Variants in ZNF680 observed in about 807,000 individuals in gnomAD.
ZNF680 encodes the protein zinc finger protein 680.
In ZNF680, 6 loss-of-function variants were observed where a neutral mutation model predicts 12.1. The ratio of observed to expected loss-of-function variants is 0.49; its 90% CI spans 0.27 to 0.98. The LOEUF is 0.98. ZNF680 is among the 50% of genes least tolerant of loss of function. ZNF680 has a pLI of 0.12. For synonymous variants in ZNF680, 170 were observed against 199.3 expected (o/e 0.85, Z 1.24); for missense variants, 561 against 616.3 (o/e 0.91, Z 0.95).
chr7:64,520,130 T>C lies in ZNF680; in HGVS notation c.*1031A>G, dbSNP rs1022424916. On this transcript the variant is annotated 3_prime_UTR_variant, in exon 4 of 4. Transcript: ENST00000309683. Reference sequence around the variant, plus strand: ...GGCCTCTCCACTTAGATTTTCATCATAAACCTTACATTTTAATGCCCATAC... The same window carrying C: ...GGCCTCTCCACTTAGATTTTCATCACAAACCTTACATTTTAATGCCCATAC... 2.6e-4 allele frequency: 40 copies of C among 151,702 alleles called. No individual in the cohort carries two copies. Among genetic ancestry groups the C allele is most frequent in the Admixed American group, 1.2e-3 (19 of 15,240 alleles). 9.4% of individuals were successfully genotyped at this position (151,702 alleles called of 1,614,324 possible). A position where few individuals can be genotyped will look rare whatever the true frequency, so the allele number is the denominator to read the frequency against.
At chr7:64,548,853 T>C (rs1786918357) in intron 1 of ZNF680, among the ~76,000 whole-genome samples, 1 of 152,064 alleles carries the variant, frequency 6.6e-6, no homozygotes, top group Non-Finnish European at 1.5e-5. Flanking sequence ...CCGGGCGCGG[T>C]GGCTCATGCT....
chr7:64,516,599 T>C (rs1219229320), downstream of ZNF680, among the ~76,000 whole-genome samples: 1 of 152,204 alleles, frequency 6.6e-6, no homozygotes, highest in African/African-American at 2.4e-5. Flanking sequence ...GGATTTAAAC[T>C]ACACCCTGGA....
chr7:64,537,948 C>A lies in ZNF680; in HGVS notation c.253+5759G>T, dbSNP rs1162995483. 2.6e-5 allele frequency among the ~76,000 whole-genome samples: 4 copies of A among 151,516 alleles called. No individual in the cohort carries two copies. In the East Asian group the frequency reaches 7.7e-4, roughly 29 times the overall value. On this transcript the variant is annotated intron_variant, in intron 3 of 3. Transcript: ENST00000309683. ...CCATCTCCAAAAAAAAACAAAAAAA[C>A]AAACAAAAACAGAATAGAGAGCCCA...
At chr7:64,501,616 A>C in the ZNF680 span, 10 of 789,012 alleles carry the variant, frequency 1.3e-5, no homozygotes, top group East Asian at 2.8e-4. Context: ...GATCTACTGG[A>C]TGATGATGAT....
intron 3 of ZNF680, among the ~76,000 whole-genome samples, chr7:64,532,121 C>T (rs531765134): frequency 5.9e-5 from 9 of 152,076 alleles, no homozygotes; most frequent in Non-Finnish European, 8.8e-5. Context: ...CTAGCTAACA[C>T]GGGGAAACCC....
intron 3 of ZNF680, among the ~76,000 whole-genome samples, chr7:64,538,389 A>C (rs1363190994): frequency 6.6e-6 from 1 of 152,262 alleles, no homozygotes; most frequent in Non-Finnish European, 1.5e-5. Context: ...GTTAATATTC[A>C]GAATATATAA....
At chr7:64,510,047 T>C in the ZNF680 span, among the ~76,000 whole-genome samples, 1 of 144,968 alleles carries the variant, frequency 6.9e-6, no homozygotes, top group East Asian at 2.0e-4. Flanking sequence ...AAAAAAGACT[T>C]ATATTCTCTT....
chr7:64,512,150 A>T, the ZNF680 span, among the ~76,000 whole-genome samples: 1 of 149,746 alleles, frequency 6.7e-6, no homozygotes, highest in African/African-American at 2.5e-5. Context: ...AATCTTTTCT[A>T]AAAAAAGTTT....
Position 64,544,411 on chromosome 7 carries a change from C to T in ZNF680, c.52G>A (p.Val18Met). ...LEMGPLTFRDVAIEFSLEEWQ... is the reference protein window; with the variant it reads ...LEMGPLTFRDMAIEFSLEEWQ... The stretch of plus-strand genomic sequence containing the variant: ...TCCTCCAGAGAGAATTCTATGGCCA[C>T]ATCCCTAAATGTCAGTGGTCCCTGA... The change falls in exon 2 of 4, where the codon GTG (valine) becomes ATG (methionine). Residue 18 changes from valine to methionine, a missense_variant. Transcript: ENST00000309683. 1 of 1,601,244 alleles carries T rather than the reference C, an allele frequency of 6.2e-7. No individual in the cohort carries two copies. Among genetic ancestry groups the T allele is most frequent in the Non-Finnish European group, 8.5e-7 (1 of 1,172,520 alleles).
intron 3 of ZNF680, chr7:64,525,781 A>C (rs1791806969): frequency 9.3e-6 from 9 of 971,260 alleles, no homozygotes; most frequent in Non-Finnish European, 1.1e-5. Flanking sequence ...AATAATATAG[A>C]TCCATGAATA....
intron 1 of ZNF680, among the ~76,000 whole-genome samples, chr7:64,554,452 T>C (rs1787287377): frequency 6.7e-6 from 1 of 148,260 alleles, no homozygotes; most frequent in East Asian, 2.0e-4. Flanking sequence ...GTCTGGGAGG[T>C]GGGGGGGCGC....
At chr7:64,526,379 G>C (rs1791843881) in intron 3 of ZNF680, 1 of 1,402,506 alleles carries the variant, frequency 7.1e-7, no homozygotes, top group African/African-American at 1.5e-5. Context: ...ATTATGACTA[G>C]CACAGTTCTA....
At chr7:64,505,773 C>CTTTTT in the ZNF680 span, among the ~76,000 whole-genome samples, 3 of 146,882 alleles carry the variant, frequency 2.0e-5, no homozygotes, top group Non-Finnish European at 3.0e-5. Context: ...AATTAGACTC[C>CTTTTT]TTTTTTTTTT....
downstream of ZNF680, among the ~76,000 whole-genome samples, chr7:64,517,922 A>G (rs1791386904): frequency 6.6e-6 from 1 of 152,068 alleles, no homozygotes; most frequent in Admixed American, 6.5e-5. Context: ...TCTGCATACA[A>G]AGGACATATC....
Position 64,520,929 on chromosome 7 carries a change from C to T in ZNF680, c.*232G>A, listed in dbSNP as rs1337051093. 9.4e-6 allele frequency: 4 copies of T among 427,242 alleles called. No homozygotes were observed. Among genetic ancestry groups the T allele is most frequent in the Non-Finnish European group, 1.2e-5 (3 of 245,262 alleles). The allele number at this position is 427,242 out of a possible 1,614,324, so 26.5% of individuals were successfully genotyped here. A position where few individuals can be genotyped will look rare whatever the true frequency, so the allele number is the denominator to read the frequency against. ...GTAAGATGTGAAAAGATATCAATGA[C>T]TTTTTCACATTCTTTATACTTGTAC... is the stretch of plus-strand genomic sequence containing the variant. On this transcript the variant is annotated 3_prime_UTR_variant, in exon 4 of 4. Transcript: ENST00000309683.
intron 1 of ZNF680, among the ~76,000 whole-genome samples, chr7:64,560,115 G>GT (rs35323758): frequency 0.046 from 5,696 of 123,428 alleles, 157 homozygotes; most frequent in African/African-American, 0.07. Flanking sequence ...TTTCTTTTCT[G>GT]TTTTTTTTTT....
At chr7:64,507,138 G>C in the ZNF680 span, among the ~76,000 whole-genome samples, 1 of 152,098 alleles carries the variant, frequency 6.6e-6, no homozygotes, top group African/African-American at 2.4e-5. Flanking sequence ...CCCATTATTT[G>C]AAACAAGATA....
chr7:64,515,827 T>C (rs1791342180), downstream of ZNF680, among the ~76,000 whole-genome samples: 1 of 152,166 alleles, frequency 6.6e-6, no homozygotes, highest in Admixed American at 6.5e-5. Flanking sequence ...GGCACTCACC[T>C]TTATTTAAAC....
intron 1 of ZNF680, among the ~76,000 whole-genome samples, chr7:64,548,451 A>T (rs7785818): frequency 0.23 from 34,339 of 152,166 alleles, 4,067 homozygotes; most frequent in South Asian, 0.29. Flanking sequence ...AGACTTAAAG[A>T]TCCTGCATGG....
Sources: allele counts gnomAD v4.1 joint callset (sites outside exome capture counted in the v4.1 genomes callset), GRCh38; gene constraint gnomAD v4.1.1; transcripts MANE v1.5; gene names NCBI Gene and HGNC (gene_info 2026-07-23, HGNC 2026-07-21).